LRRTM4: variants seen among roughly 807,000 people sequenced by gnomAD.
LRRTM4 encodes the protein leucine-rich repeat transmembrane neuronal protein 4.
Under a neutral mutation model 47.6 loss-of-function variants are expected in LRRTM4, and 25 were observed. The observed-to-expected ratio is 0.53, with a 90% CI of 0.38 to 0.73. LRRTM4 has a LOEUF of 0.73. LRRTM4 is among the 30% of genes least tolerant of loss of function. LRRTM4 has a pLI of 0.00. For synonymous variants in LRRTM4, 311 were observed against 269.5 expected (o/e 1.15, Z -1.51); for missense variants, 638 against 713.4 (o/e 0.89, Z 1.20).
intron 3 of LRRTM4, among the ~76,000 whole-genome samples, chr2:76,838,076 T>TA (rs1319190431): frequency 6.8e-6 from 1 of 146,068 alleles, no homozygotes; most frequent in Non-Finnish European, 1.5e-5. Context: ...CCCTAAAACT[T>TA]AAAGTATAAT....
chr2:77,360,543 A>T (rs376315915), intron 3 of LRRTM4, among the ~76,000 whole-genome samples: 2,111 of 134,522 alleles, frequency 0.016, 19 homozygotes, highest in East Asian at 0.029. Context: ...ATACAATACA[A>T]TCATTCATAC....
chr2:76,836,933 A>G (rs1671532522), intron 3 of LRRTM4, among the ~76,000 whole-genome samples: 1 of 152,166 alleles, frequency 6.6e-6, no homozygotes, highest in Non-Finnish European at 1.5e-5. Flanking sequence ...AAATTTAGTT[A>G]CTACAGTTAA....
intron 3 of LRRTM4, among the ~76,000 whole-genome samples, chr2:76,988,865 T>C (rs890897738): frequency 1.3e-4 from 19 of 151,374 alleles, no homozygotes; most frequent in South Asian, 1.0e-3. Flanking sequence ...TGGGAGGCAG[T>C]GGTATGAGGG....
chr2:77,355,612 A>C (rs1671938657), intron 3 of LRRTM4, among the ~76,000 whole-genome samples: 1 of 152,226 alleles, frequency 6.6e-6, no homozygotes, highest in Admixed American at 6.5e-5. Flanking sequence ...ATGTTCAACC[A>C]AGGAGAATAA....
chr2:77,088,245 T>C (rs951621908), intron 3 of LRRTM4, among the ~76,000 whole-genome samples: 1 of 152,170 alleles, frequency 6.6e-6, no homozygotes, highest in Non-Finnish European at 1.5e-5. Context: ...CAGAACAGCC[T>C]GAAGCAATCG....
chr2:77,421,179 T>C (rs778508455), intron 3 of LRRTM4, among the ~76,000 whole-genome samples: 1 of 152,044 alleles, frequency 6.6e-6, no homozygotes, highest in Non-Finnish European at 1.5e-5. Context: ...ATAAATTCCA[T>C]TTAAAATTAT....
intron 3 of LRRTM4, among the ~76,000 whole-genome samples, chr2:77,434,478 A>T (rs1675512899): frequency 6.6e-6 from 1 of 152,010 alleles, no homozygotes; most frequent in Admixed American, 6.6e-5. Context: ...GATTGAGTTT[A>T]TTAACAAATG....
chr2:77,495,850 T>A (rs1386721169), intron 3 of LRRTM4, among the ~76,000 whole-genome samples: 1 of 152,002 alleles, frequency 6.6e-6, no homozygotes, highest in Non-Finnish European at 1.5e-5. Flanking sequence ...TTGTTTTGGT[T>A]ATTATAGGTC....
chr2:77,466,058 G>A (rs926644508), intron 3 of LRRTM4, among the ~76,000 whole-genome samples: 2 of 152,158 alleles, frequency 1.3e-5, no homozygotes, highest in African/African-American at 2.4e-5. Flanking sequence ...CTCCTTTTAT[G>A]TAAGGAGAAA....
At chr2:77,060,366 T>C (rs1457814673) in intron 3 of LRRTM4, among the ~76,000 whole-genome samples, 2 of 152,158 alleles carry the variant, frequency 1.3e-5, no homozygotes, top group East Asian at 1.9e-4. Context: ...CTTTATTGAA[T>C]AGTAAATGAA....
Position 77,253,259 on chromosome 2 carries a change from T to C in LRRTM4, c.1551+265059A>G, listed in dbSNP as rs1183146460. On this transcript the variant is annotated intron_variant, in intron 3 of 3. Transcript: ENST00000409884. Reference sequence around the variant, plus strand: ...AAAATGGGAGGATCCCATACTTTTATTCATACTTTAGGGTTATAAGATACT... The same window carrying C: ...AAAATGGGAGGATCCCATACTTTTACTCATACTTTAGGGTTATAAGATACT... 2.0e-5 allele frequency among the ~76,000 whole-genome samples: 3 copies of C among 152,186 alleles called. No individual in the cohort carries two copies. The East Asian group carries it at 5.8e-4, about 29-fold the overall frequency.
At chr2:76,796,327 G>C (rs1312727956) in intron 3 of LRRTM4, among the ~76,000 whole-genome samples, 1 of 122,736 alleles carries the variant, frequency 8.1e-6, no homozygotes, top group Admixed American at 8.3e-5. Context: ...AGCTCAAGGA[G>C]GCCTGCCTGC....
At chr2:77,174,394 T>C (rs1321781861) in intron 3 of LRRTM4, among the ~76,000 whole-genome samples, 1 of 152,186 alleles carries the variant, frequency 6.6e-6, no homozygotes, top group Non-Finnish European at 1.5e-5. Flanking sequence ...TGCCATTCTG[T>C]CATACTAGGC....
intron 3 of LRRTM4, among the ~76,000 whole-genome samples, chr2:77,441,263 G>A (rs951703866): frequency 7.9e-5 from 12 of 152,158 alleles, no homozygotes; most frequent in African/African-American, 2.9e-4. Flanking sequence ...AACTTTAAAT[G>A]TTTTTAATTA....
chr2:77,184,131 T>C (rs986009731), intron 3 of LRRTM4, among the ~76,000 whole-genome samples: 2 of 151,852 alleles, frequency 1.3e-5, no homozygotes, highest in East Asian at 1.9e-4. Context: ...AATCAGAATA[T>C]ATCTAGTAAA....
At chr2:77,223,692 A>G (rs1351397704) in intron 3 of LRRTM4, among the ~76,000 whole-genome samples, 5 of 151,992 alleles carry the variant, frequency 3.3e-5, no homozygotes, top group Admixed American at 6.6e-5. Context: ...ACAAACCACT[A>G]CTCAATGAAA....
intron 3 of LRRTM4, among the ~76,000 whole-genome samples, chr2:77,460,203 C>T (rs954607383): frequency 1.3e-5 from 2 of 152,092 alleles, no homozygotes; most frequent in Admixed American, 1.3e-4. Context: ...CCCTGAATAT[C>T]CCCCATGTAT....
chr2:76,969,155 C>T (rs980744992), intron 3 of LRRTM4, among the ~76,000 whole-genome samples: 1 of 151,884 alleles, frequency 6.6e-6, no homozygotes, highest in African/African-American at 2.4e-5. Context: ...TTCTCCTTGT[C>T]AGGAATCTCC....
At chr2:76,919,293 C>G (rs770921273) in intron 3 of LRRTM4, among the ~76,000 whole-genome samples, 1 of 152,080 alleles carries the variant, frequency 6.6e-6, no homozygotes, top group African/African-American at 2.4e-5. Flanking sequence ...TGCCATAAAC[C>G]GCATTTTTAG....
Sources: gnomAD v4.1 joint callset for allele counts (sites outside exome capture counted in the v4.1 genomes callset) on GRCh38, gnomAD v4.1.1 for gene constraint, MANE v1.5 for transcripts, NCBI Gene and HGNC (gene_info 2026-07-23, HGNC 2026-07-21) for gene names.